Variants in USP25 observed in about 807,000 individuals in gnomAD.
USP25 encodes the protein ubiquitin carboxyl-terminal hydrolase 25.
A neutral mutation model predicts 158.5 loss-of-function variants in USP25; 85 were observed. The ratio of observed to expected loss-of-function variants is 0.54; its 90% CI spans 0.45 to 0.64. The LOEUF (loss-of-function observed/expected upper bound fraction) is 0.64, where lower values mean the gene tolerates loss of function less well. USP25 is among the 30% of genes least tolerant of loss of function. The pLI is 0.00. For synonymous variants in USP25, 464 were observed against 460.4 expected (o/e 1.01, Z -0.10); for missense variants, 1,242 against 1,327.3 (o/e 0.94, Z 1.00).
At chr21:15,730,545 T>C in intron 1 of USP25, 107 bp downstream of exon 1, 1 of 1,199,784 alleles carries the variant, frequency 8.3e-7, no homozygotes, top group Non-Finnish European at 1.0e-6. Flanking sequence ...TTCCCGGGCT[T>C]CCTCCCCGGT....
chr21:15,763,089 T>C, intron 2 of USP25, 121 bp downstream of exon 2: 3 of 872,842 alleles, frequency 3.4e-6, no homozygotes, highest in Non-Finnish European at 4.9e-6. Context: ...GATACAGGAA[T>C]GGACTTTGTA....
intron 1 of USP25, among the ~76,000 whole-genome samples, chr21:15,734,248 A>G (rs1292504531): frequency 6.6e-6 from 1 of 152,248 alleles, no homozygotes; most frequent in Non-Finnish European, 1.5e-5. Flanking sequence ...TTAAAACTTG[A>G]AAAACAATGC....
In USP25 at chr21:15,787,902, A is replaced by ACCCCC. The variant is rs5842545; in HGVS notation, c.393-3594_393-3590dup. On this transcript the variant is annotated intron_variant, in intron 4 of 25. Transcript: ENST00000400183. Reference sequence around the variant, plus strand: ...AACAATAAAATAATAACACCCCCTCACCCCCCCCCCAAGTAAAACCACCGT... The same window carrying ACCCCC: ...AACAATAAAATAATAACACCCCCTCACCCCCCCCCCCCCCCAAGTAAAACCACCGT... Among the ~76,000 whole-genome samples the ACCCCC allele has an allele frequency of 3.3e-3, 280 of 83,586 alleles. 2 individuals are homozygous for ACCCCC. Among genetic ancestry groups the ACCCCC allele is most frequent in the Non-Finnish European group, 5.6e-3 (217 of 38,696 alleles). 54.8% of individuals were successfully genotyped at this position (83,586 alleles called of 152,430 possible).
intron 5 of USP25, among the ~76,000 whole-genome samples, chr21:15,794,538 CGTT>C (rs77794006): frequency 0.075 from 11,380 of 151,508 alleles, 492 homozygotes; most frequent in East Asian, 0.091. Flanking sequence ...TGGGACATGT[CGTT>C]GAAGTGGTAT....
chr21:15,767,474 A>G (rs879439081), intron 3 of USP25, among the ~76,000 whole-genome samples: 1 of 152,058 alleles, frequency 6.6e-6, no homozygotes, highest in Non-Finnish European at 1.5e-5. Flanking sequence ...CTTGAACATT[A>G]TTGGTGCTCA....
rs139554456 is a variant in USP25, at chr21:15,791,531, A to C, written c.422A>C (p.Lys141Thr). 6.2e-7 allele frequency: 1 copy of C among 1,610,408 alleles called. No individual in the cohort carries two copies. Among genetic ancestry groups the C allele is most frequent in the Non-Finnish European group, 8.5e-7 (1 of 1,177,788 alleles). ...RVLEASIAENKACLKRTPTEV... is the reference protein window; with the variant it reads ...RVLEASIAENTACLKRTPTEV... The stretch of plus-strand genomic sequence containing the variant: ...CTTGAAGCCAGCATAGCAGAGAATA[A>C]AGCATGTTTGAAGAGGACACCTACA... Residue 141 changes from lysine to threonine, a missense_variant, in exon 5 of 26, where the codon AAA (lysine) becomes ACA (threonine). Lys to Thr is a moderately conservative substitution (Grantham distance 78, BLOSUM62 -1). Around this residue, in one of 3 missense-constraint regions of USP25, gnomAD observed 627 missense variants for 701.4 expected, o/e 0.89. Coordinates refer to ENST00000400183, the MANE Select transcript of USP25 (RefSeq NM_001283041.3).
In USP25 at chr21:15,829,978, A is replaced by G. The variant is rs947889903; in HGVS notation, c.1694-553A>G. Among the ~76,000 whole-genome samples, 38 of 152,286 alleles carry G rather than the reference A, an allele frequency of 2.5e-4. 1 individual carries two copies. Among genetic ancestry groups the G allele is most frequent in the Admixed American group, 1.8e-3 (27 of 15,300 alleles). On this transcript the variant is annotated intron_variant, in intron 14 of 25. Transcript: ENST00000400183. ...ACAATCTAACCGTTTCCTTATTGAC[A>G]GATATTTAGGTTATCTCTTTTTTAA...
chr21:15,865,718 A>G (rs1601174588), intron 21 of USP25, among the ~76,000 whole-genome samples: 1 of 152,166 alleles, frequency 6.6e-6, no homozygotes, highest in Non-Finnish European at 1.5e-5. Context: ...TTCTCTGACT[A>G]TAACTAGTTA....
At chr21:15,838,626 A>G (rs552335353) in intron 17 of USP25, among the ~76,000 whole-genome samples, 3 of 152,186 alleles carry the variant, frequency 2.0e-5, no homozygotes, top group African/African-American at 7.2e-5. Context: ...GGTATTGTGG[A>G]CTTTTAAATA....
At chr21:15,797,764 G>A (rs11909953) in intron 5 of USP25, among the ~76,000 whole-genome samples, 18,445 of 151,136 alleles carry the variant, frequency 0.12, 3,328 homozygotes, top group African/African-American at 0.4. Context: ...CTTATCTTTG[G>A]TTTCACTTTC....
chr21:15,828,649 G>A (rs1266276835), intron 14 of USP25, among the ~76,000 whole-genome samples: 19 of 152,162 alleles, frequency 1.2e-4, no homozygotes, highest in Non-Finnish European at 2.8e-4. Context: ...AGTTTGAAGA[G>A]CTTTTTTGAG....
chr21:15,738,521 CTG>C, intron 1 of USP25, among the ~76,000 whole-genome samples: 1 of 152,212 alleles, frequency 6.6e-6, no homozygotes, highest in South Asian at 2.1e-4. Context: ...TTTCTGATAA[CTG>C]TTATATGGCA....
At chr21:15,791,797 C>G (rs2035604582) in intron 5 of USP25, 133 bp downstream of exon 5, 3 of 910,176 alleles carry the variant, frequency 3.3e-6, no homozygotes, top group Non-Finnish European at 4.6e-6. Flanking sequence ...GTCTAATAAA[C>G]TAGCTTGGGG....
chr21:15,777,983 A>G lies in USP25; in HGVS notation c.348A>G (p.Ala116=), dbSNP rs1568791643. ...IALSLAESNR[A]FRETGITDEE... ...TGAGTTTGGCCGAATCAAACAGGGC[A>G]TTCAGGGAGACTGGAATAACTGATG... The change falls in exon 4 of 26, where the codon GCA becomes GCG. Residue 116 remains alanine, a synonymous_variant. Coordinates refer to ENST00000400183, the MANE Select transcript of USP25 (RefSeq NM_001283041.3). 9 of 1,611,622 alleles carry G rather than the reference A, an allele frequency of 5.6e-6. No individual in the cohort carries two copies. The highest frequency in any genetic ancestry group is 7.6e-6 in the Non-Finnish European group (9 of 1,179,014).
rs1305112429 is a variant in USP25 at position 15,816,823 on chromosome 21, A to G, written c.932-1875A>G. On this transcript the variant is annotated intron_variant, in intron 9 of 25. Transcript: ENST00000400183. This position sits in a 1 kb window ranked among gnomAD's most constrained non-coding sequence, Gnocchi z 4.0. ...AAAAAAAAATCCTGTGTTCTTACTT[A>G]AGTGGTGCCATTTTCAGTCCATAAT... Among the ~76,000 whole-genome samples, 2 of 152,134 alleles carry G rather than the reference A, an allele frequency of 1.3e-5. No individual in the cohort carries two copies. Among genetic ancestry groups the G allele is most frequent in the Admixed American group, 6.5e-5 (1 of 15,274 alleles).
In USP25 at chr21:15,783,039, AAGAT is replaced by A. The variant is rs553736263; in HGVS notation, c.392+5018_392+5021del. On this transcript the variant is annotated intron_variant, in intron 4 of 25. Coordinates refer to ENST00000400183, the MANE Select transcript of USP25 (RefSeq NM_001283041.3). The stretch of plus-strand genomic sequence containing the variant: ...CATTAGCTGAGTGAGAAATTGAACA[AAGAT>A]AGATATTATGGAAAGGAACAAAACA... Among the ~76,000 whole-genome samples the A allele has an allele frequency of 4.8e-4, 73 of 152,296 alleles. No homozygotes were observed. The Middle Eastern group carries it at 0.017, about 35-fold the overall frequency.
In USP25 at chr21:15,808,900, A is replaced by G. The variant is rs1016502079; in HGVS notation, c.857+15A>G. 3 of 1,591,460 alleles carry G rather than the reference A, an allele frequency of 1.9e-6. No individual in the cohort carries two copies. In the African/African-American group the frequency reaches 4.1e-5, roughly 22 times the overall value. On this transcript the variant is annotated intron_variant, in intron 8 of 25. Coordinates refer to ENST00000400183, the MANE Select transcript of USP25 (RefSeq NM_001283041.3). ...GAAGAGGAGACGTAAGTTACCGTGA[A>G]GTTTAGCAATGGGGTTTTAGGAATT...
chr21:15,751,338 G>A (rs1053798258), intron 1 of USP25, among the ~76,000 whole-genome samples: 3 of 152,192 alleles, frequency 2.0e-5, no homozygotes, highest in Non-Finnish European at 2.9e-5. Flanking sequence ...TATTATATAA[G>A]TAATTAGCAT....
At chr21:15,769,940 T>C (rs981465201) in intron 3 of USP25, among the ~76,000 whole-genome samples, 8 of 151,978 alleles carry the variant, frequency 5.3e-5, no homozygotes, top group African/African-American at 1.9e-4. Context: ...TGACAGGTGG[T>C]AAGACTCTTC....
Sources: gnomAD v4.1 joint callset for allele counts (sites outside exome capture counted in the v4.1 genomes callset) on GRCh38, gnomAD v4.1.1 for gene constraint, gnomAD v4.1.1 regional missense constraint, Gnocchi (gnomAD v3.1) non-coding constraint, MANE v1.5 for transcripts, NCBI Gene and HGNC (gene_info 2026-07-23, HGNC 2026-07-21) for gene names.